The following CNGB1 variants were observed in gnomAD, a reference collection of about 807,000 sequenced individuals.
The protein encoded by CNGB1 is cyclic nucleotide-gated channel beta-1.
Under a neutral mutation model 151.7 loss-of-function variants are expected in CNGB1, and 126 were observed. The ratio of observed to expected loss-of-function variants is 0.83; its 90% CI spans 0.72 to 0.96. The LOEUF (loss-of-function observed/expected upper bound fraction) is 0.96, where lower values mean the gene tolerates loss of function less well. Among genes scored for constraint, CNGB1 ranks in the 40% least tolerant of loss-of-function variants. The probability of loss-of-function intolerance (pLI) is 0.00; values close to 1 mark genes in which losing one functional copy is unlikely to be tolerated. For synonymous variants in CNGB1, 623 were observed against 635.1 expected (o/e 0.98, Z 0.29); for missense variants, 1,698 against 1,627.0 (o/e 1.04, Z -0.75).
At position 57,883,980 on chromosome 16, in the gene CNGB1, C is replaced by G; in HGVS notation, c.*184G>C. The stretch of plus-strand genomic sequence containing the variant: ...CTTGTCGAGCTCAGGCCCAGCCCCG[C>G]GAGGAGCTGAGTCGGGGCTGGCGTG... On this transcript the variant is annotated 3_prime_UTR_variant, in exon 33 of 33. Coordinates refer to ENST00000251102, the MANE Select transcript of CNGB1 (RefSeq NM_001297.5). 1 of 757,150 alleles carries G rather than the reference C, an allele frequency of 1.3e-6. No individual in the cohort carries two copies. The highest frequency in any genetic ancestry group is 1.7e-5 in the South Asian group (1 of 58,468). 46.9% of individuals were successfully genotyped at this position (757,150 alleles called of 1,614,324 possible). A position where few individuals can be genotyped will look rare whatever the true frequency, so the allele number is the denominator to read the frequency against.
At chr16:57,902,276 G>T (rs1815418828) in intron 27 of CNGB1, among the ~76,000 whole-genome samples, 1 of 151,882 alleles carries the variant, frequency 6.6e-6, no homozygotes, top group Non-Finnish European at 1.5e-5. Context: ...TCACCATGTT[G>T]GCCAGGCTGG....
chr16:57,961,032 C>T (rs758419229), intron 7 of CNGB1, 117 bp from the exon 8 acceptor site: 9 of 882,444 alleles, frequency 1.0e-5, no homozygotes, highest in African/African-American at 1.6e-5. Flanking sequence ...CTGTTCTGCA[C>T]AGTGGGGGCC....
chr16:57,885,581 TC>T, intron 32 of CNGB1, among the ~76,000 whole-genome samples: 1 of 46,220 alleles, frequency 2.2e-5, no homozygotes, highest in East Asian at 7.1e-4. Context: ...TCTCTCTCTT[TC>T]TTTCTTTCTT....
chr16:57,885,557 C>CCTCTCTCTCTCTCTCT (rs1220420237), intron 32 of CNGB1, among the ~76,000 whole-genome samples: 1 of 97,622 alleles, frequency 1.0e-5, no homozygotes, highest in African/African-American at 4.0e-5. Flanking sequence ...TTCCTTCCTT[C>CCTCTCTCTCTCTCTCT]CTCTCTCTCT....
intron 32 of CNGB1, among the ~76,000 whole-genome samples, chr16:57,887,632 C>T (rs1374083453): frequency 6.6e-6 from 1 of 152,122 alleles, no homozygotes; most frequent in African/African-American, 2.4e-5. Context: ...CTTTTGGATC[C>T]AGGCTTGCCT....
intron 2 of CNGB1, among the ~76,000 whole-genome samples, chr16:57,966,843 C>T (rs1433683807): frequency 1.3e-5 from 2 of 152,206 alleles, no homozygotes; most frequent in African/African-American, 4.8e-5. Context: ...ACTGTTTTCA[C>T]ACTATAATGG....
At chr16:57,913,440 T>C (rs1245511666) in intron 23 of CNGB1, among the ~76,000 whole-genome samples, 1 of 152,226 alleles carries the variant, frequency 6.6e-6, no homozygotes, top group African/African-American at 2.4e-5. Flanking sequence ...ATAACTACTT[T>C]TCTTTATTGA....
intron 16 of CNGB1, among the ~76,000 whole-genome samples, chr16:57,933,793 G>T (rs376984882): frequency 1.3e-5 from 2 of 149,562 alleles, no homozygotes; most frequent in African/African-American, 4.9e-5. Flanking sequence ...TGTGATCTCG[G>T]CTCACTGCAA....
At chr16:57,938,288 G>C (rs1463777392) in intron 16 of CNGB1, among the ~76,000 whole-genome samples, 3 of 152,170 alleles carry the variant, frequency 2.0e-5, no homozygotes, top group Non-Finnish European at 2.9e-5. Context: ...GACTTAGTAG[G>C]AATTCCTATA....
At chr16:57,889,255 G>A (rs536118487) in intron 31 of CNGB1, among the ~76,000 whole-genome samples, 13 of 152,306 alleles carry the variant, frequency 8.5e-5, no homozygotes, top group Admixed American at 8.5e-4. Context: ...CTCCTGCCAT[G>A]GCCTCGCAAA....
At chr16:57,904,018 G>C in intron 26 of CNGB1, 37 bp from the exon 27 acceptor site, 1 of 1,592,468 alleles carries the variant, frequency 6.3e-7, no homozygotes, top group Non-Finnish European at 8.6e-7. Flanking sequence ...GGAAGCCACT[G>C]GGTCATTGGG....
chr16:57,917,203 G>T, intron 21 of CNGB1, 65 bp downstream of exon 21: 1 of 1,361,492 alleles, frequency 7.3e-7, no homozygotes, highest in Non-Finnish European at 1.0e-6. Flanking sequence ...AGGGGTCAGT[G>T]CCCTGGAGGC....
chr16:57,960,191 C>T, intron 9 of CNGB1, 126 bp from the exon 10 acceptor site: 1 of 1,475,210 alleles, frequency 6.8e-7, no homozygotes, highest in South Asian at 1.3e-5. Context: ...GGGACCACCT[C>T]ACCCATCCCA....
chr16:57,931,972 T>A (rs368319249), intron 16 of CNGB1, 94 bp from the exon 17 acceptor site: 1 of 1,364,116 alleles, frequency 7.3e-7, no homozygotes, highest in Non-Finnish European at 1.0e-6. Flanking sequence ...AGAGAAAGCA[T>A]GTTTGGAGGG....
intron 16 of CNGB1, 57 bp downstream of exon 16, chr16:57,939,373 G>T: frequency 6.2e-7 from 1 of 1,611,402 alleles, no homozygotes; most frequent in Non-Finnish European, 8.5e-7. Context: ...GCTGCCTCCA[G>T]CCTAAAAGGA....
At chr16:57,897,969 G>A (rs1267840381) in intron 29 of CNGB1, 55 bp from the exon 30 acceptor site, 2 of 1,579,434 alleles carry the variant, frequency 1.3e-6, no homozygotes, top group Non-Finnish European at 8.7e-7. Context: ...CACCAGAGAA[G>A]CAGCCAGGGC....
At chr16:57,894,407 C>T (rs1255606054) in intron 31 of CNGB1, among the ~76,000 whole-genome samples, 2 of 152,174 alleles carry the variant, frequency 1.3e-5, no homozygotes, top group African/African-American at 2.4e-5. Context: ...TCGAGACAAG[C>T]CTGGCCAACG....
chr16:57,902,405 G>T (rs1474227684), intron 27 of CNGB1, among the ~76,000 whole-genome samples: 1 of 151,778 alleles, frequency 6.6e-6, no homozygotes, highest in African/African-American at 2.4e-5. Context: ...GTTTTATAAA[G>T]ATTATCTTAG....
chr16:57,964,663 C>T, intron 2 of CNGB1, 119 bp from the exon 3 acceptor site: 1 of 971,802 alleles, frequency 1.0e-6, no homozygotes, highest in Admixed American at 1.9e-5. Context: ...CGACTCTTTC[C>T]TCAGGATCAT....
Sources: allele counts gnomAD v4.1 joint callset (sites outside exome capture counted in the v4.1 genomes callset), GRCh38; gene constraint gnomAD v4.1.1; transcripts MANE v1.5; gene names NCBI Gene and HGNC (gene_info 2026-07-23, HGNC 2026-07-21).